The following ABCC4 variants were observed in gnomAD, a reference collection of about 807,000 sequenced individuals.
The protein encoded by ABCC4 is ATP-binding cassette sub-family C member 4.
Under a neutral mutation model 168.5 loss-of-function variants are expected in ABCC4, and 102 were observed. The observed-to-expected ratio is 0.61, with a 90% CI of 0.52 to 0.71. The LOEUF (loss-of-function observed/expected upper bound fraction) is 0.71. Ranked by LOEUF, ABCC4 falls within the 30% of genes least tolerant of loss-of-function variation. ABCC4 has a pLI of 0.00. For synonymous variants in ABCC4, 617 were observed against 590.7 expected (o/e 1.04, Z -0.65); for missense variants, 1,402 against 1,605.8 (o/e 0.87, Z 2.17).
At chr13:95,209,822 C>T (rs1246654470) in intron 5 of ABCC4, among the ~76,000 whole-genome samples, 3 of 152,226 alleles carry the variant, frequency 2.0e-5, no homozygotes, top group Admixed American at 2.0e-4. Context: ...ATCCGACCAG[C>T]GGCATTAGAA....
intron 19 of ABCC4, among the ~76,000 whole-genome samples, chr13:95,155,208 C>A (rs1355598696): frequency 6.6e-6 from 1 of 151,404 alleles, no homozygotes; most frequent in East Asian, 1.9e-4. Context: ...GGGAAGGAAT[C>A]ATTCTTTTTT....
chr13:95,216,875 A>G (rs2039128565), intron 4 of ABCC4, among the ~76,000 whole-genome samples: 1 of 152,210 alleles, frequency 6.6e-6, no homozygotes, highest in African/African-American at 2.4e-5. Flanking sequence ...TGAAATTTGT[A>G]CGCCCTAGGA....
intron 20 of ABCC4, among the ~76,000 whole-genome samples, chr13:95,104,920 G>A (rs974929491): frequency 9.9e-5 from 15 of 152,246 alleles, no homozygotes; most frequent in African/African-American, 2.6e-4. Context: ...CTGGTTTCGC[G>A]GAGGACAATT....
chr13:95,257,386 G>A (rs1037582650), intron 1 of ABCC4, among the ~76,000 whole-genome samples: 3 of 152,172 alleles, frequency 2.0e-5, no homozygotes, highest in Non-Finnish European at 4.4e-5. Flanking sequence ...AAATCTGCAC[G>A]TAGGCCGGGC....
chr13:95,176,223 C>CGGGGGGGGGGGGGGGGGG (rs1491246023), intron 13 of ABCC4, among the ~76,000 whole-genome samples: 1 of 10,560 alleles, frequency 9.5e-5, no homozygotes, highest in East Asian at 1.3e-3. Flanking sequence ...AAGCCGAGGG[C>CGGGGGGGGGGGGGGGGGG]AGGGGGGGGG....
chr13:95,236,603 C>CGT (rs2039780441), intron 3 of ABCC4, among the ~76,000 whole-genome samples: 2 of 26,852 alleles, frequency 7.4e-5, no homozygotes, highest in Non-Finnish European at 1.0e-4. Context: ...CGCGTGCGCG[C>CGT]ACACACACAC....
intron 27 of ABCC4, 23 bp downstream of exon 27, chr13:95,053,072 G>A (rs749983624): frequency 4.8e-5 from 76 of 1,591,848 alleles, no homozygotes; most frequent in Non-Finnish European, 2.2e-5. Context: ...ACAGACTAAA[G>A]ATAATTACAT....
intron 14 of ABCC4, 87 bp from the exon 15 acceptor site, chr13:95,166,454 G>A: frequency 8.7e-7 from 1 of 1,150,128 alleles, no homozygotes; most frequent in South Asian, 1.5e-5. Flanking sequence ...AAAAGTAACT[G>A]ATCTTAAGTT....
chr13:95,238,124 G>A (rs887760460), intron 3 of ABCC4, among the ~76,000 whole-genome samples: 1 of 148,194 alleles, frequency 6.7e-6, no homozygotes, highest in Non-Finnish European at 1.5e-5. Flanking sequence ...GAACCCAGGA[G>A]GTAAGGCTGC....
intron 8 of ABCC4, 151 bp downstream of exon 8, chr13:95,206,381 G>A (rs2038779969): frequency 2.0e-6 from 2 of 1,009,602 alleles, no homozygotes; most frequent in Admixed American, 5.0e-5. Flanking sequence ...ATCTAAGATA[G>A]GGAAGTACAC....
intron 27 of ABCC4, among the ~76,000 whole-genome samples, chr13:95,048,453 G>A (rs1008023747): frequency 6.6e-6 from 1 of 152,182 alleles, no homozygotes; most frequent in African/African-American, 2.4e-5. Flanking sequence ...TGAACTTTCT[G>A]ACTTTTCATA....
chr13:95,229,083 TCCC>T (rs1307473593), intron 4 of ABCC4, among the ~76,000 whole-genome samples: 1 of 152,088 alleles, frequency 6.6e-6, no homozygotes, highest in African/African-American at 2.4e-5. Flanking sequence ...AATATGCATT[TCCC>T]CCCAAGTTAC....
intron 20 of ABCC4, among the ~76,000 whole-genome samples, chr13:95,091,595 C>G (rs913059106): frequency 5.9e-5 from 9 of 152,040 alleles, no homozygotes; most frequent in African/African-American, 2.2e-4. Context: ...CAAACAAATG[C>G]TAAGAGAATT....
chr13:95,140,269 C>T (rs1053690995), intron 19 of ABCC4, among the ~76,000 whole-genome samples: 6 of 152,308 alleles, frequency 3.9e-5, no homozygotes, highest in Admixed American at 2.6e-4. Context: ...GAGAAGAGCA[C>T]TTCATGGACT....
At chr13:95,299,837 C>CCA (rs1254452423) in intron 1 of ABCC4, among the ~76,000 whole-genome samples, 1 of 152,016 alleles carries the variant, frequency 6.6e-6, no homozygotes, top group Non-Finnish European at 1.5e-5. Context: ...CGGAATTCCC[C>CCA]CACACACACC....
At chr13:95,207,417 C>A (rs1454834366) in intron 7 of ABCC4, among the ~76,000 whole-genome samples, 1 of 152,148 alleles carries the variant, frequency 6.6e-6, no homozygotes, top group African/African-American at 2.4e-5. Flanking sequence ...TAGTTTGGTC[C>A]AATATAGATA....
intron 19 of ABCC4, among the ~76,000 whole-genome samples, chr13:95,144,696 T>C (rs1226252660): frequency 1.3e-5 from 2 of 151,984 alleles, no homozygotes; most frequent in Non-Finnish European, 2.9e-5. Context: ...AAAAGATCTC[T>C]ACATCAAGAA....
intron 9 of ABCC4, among the ~76,000 whole-genome samples, chr13:95,193,816 C>T (rs56137953): frequency 2.6e-5 from 4 of 152,160 alleles, no homozygotes; most frequent in Non-Finnish European, 5.9e-5. Flanking sequence ...GAAGGAGGAA[C>T]GAGTTCAGAG....
At chr13:95,045,925 C>A (rs1402904848) in intron 27 of ABCC4, among the ~76,000 whole-genome samples, 4 of 152,112 alleles carry the variant, frequency 2.6e-5, no homozygotes, top group Non-Finnish European at 5.9e-5. Context: ...AAGTCCAACT[C>A]CAAGAAACAG....
Sources: allele counts gnomAD v4.1 joint callset (sites outside exome capture counted in the v4.1 genomes callset), GRCh38; gene constraint gnomAD v4.1.1; transcripts MANE v1.5; gene names NCBI Gene and HGNC (gene_info 2026-07-23, HGNC 2026-07-21).